The following WDR27 variants were observed in gnomAD, a reference collection of about 807,000 sequenced individuals.
WDR27 encodes WD repeat domain 27, also known as WD repeat-containing protein 27.
In WDR27, 100 loss-of-function variants were observed where a neutral mutation model predicts 114.4. The ratio of observed to expected loss-of-function variants is 0.87; its 90% CI spans 0.74 to 1.03. WDR27 has a LOEUF of 1.03. WDR27 is among the 50% of genes least tolerant of loss of function. The pLI, the probability that WDR27 is intolerant of heterozygous loss-of-function variation, is 0.00. For synonymous variants in WDR27, 449 were observed against 423.1 expected, an observed-to-expected ratio of 1.06 and a Z score of -0.75; for missense variants, 1,129 against 1,092.9, an observed-to-expected ratio of 1.03 and a Z score of -0.47.
At chr6:169,558,445 G>A (rs1025127531) in intron 25 of WDR27, 5 of 152,158 alleles carry the variant, frequency 3.3e-5, no homozygotes, top group Admixed American at 3.3e-4. Context: ...ATAAGCACCA[G>A]GCTCCCATCC....
chr6:169,697,487 G>C (rs1585240202), intron 1 of WDR27, among the ~76,000 whole-genome samples: 1 of 152,272 alleles, frequency 6.6e-6, no homozygotes, highest in South Asian at 2.1e-4. Context: ...CTCTTGTGGA[G>C]GGCCCGACAT....
intron 3 of WDR27, chr6:169,671,285 T>C (rs1403960500): frequency 6.6e-6 from 1 of 152,342 alleles, no homozygotes; most frequent in South Asian, 2.1e-4. Context: ...AATGCAGATA[T>C]ACTCCACCCA....
chr6:169,658,345 G>A lies in WDR27; in HGVS notation c.1333C>T (p.Pro445Ser). Reference sequence around the variant, plus strand: ...ATTCCCAGATACAGTGGAGAGGTCGGTAGGACACAGGAGCTGAAACAGAAA... The same window carrying A: ...ATTCCCAGATACAGTGGAGAGGTCGATAGGACACAGGAGCTGAAACAGAAA... ...LSVPASSCVLPTSPLYLGIAK... is the reference protein window; with the variant it reads ...LSVPASSCVLSTSPLYLGIAK... The change falls in exon 13 of 26, where the codon CCG (proline) becomes TCG (serine). Residue 445 changes from proline to serine, a missense_variant. By Grantham distance (74) the Pro-to-Ser change is moderately conservative. Transcript: ENST00000448612. 2 of 1,594,436 alleles carry A rather than the reference G, an allele frequency of 1.3e-6. No homozygotes were observed. Among genetic ancestry groups the A allele is most frequent in the Non-Finnish European group, 1.7e-6 (2 of 1,170,666 alleles).
chr6:169,612,565 G>A (rs866933031), intron 22 of WDR27, among the ~76,000 whole-genome samples: 36 of 146,024 alleles, frequency 2.5e-4, no homozygotes, highest in African/African-American at 8.9e-4. Flanking sequence ...CAGGGAGGTT[G>A]CAGTGAGCTG....
chr6:169,499,521 G>A (rs373101962), intron 25 of WDR27, among the ~76,000 whole-genome samples: 2 of 152,242 alleles, frequency 1.3e-5, no homozygotes, highest in East Asian at 3.8e-4. Context: ...CCAAAACGTC[G>A]TGATATTAGA....
At chr6:169,488,240 C>A (rs73789964) in intron 25 of WDR27, among the ~76,000 whole-genome samples, 1 of 152,204 alleles carries the variant, frequency 6.6e-6, no homozygotes, top group Non-Finnish European at 1.5e-5. Context: ...CTTAGAGCAG[C>A]GTCTCTAGCG....
At chr6:169,535,094 ATGATG>A (rs1216577704) in intron 25 of WDR27, among the ~76,000 whole-genome samples, 1 of 152,186 alleles carries the variant, frequency 6.6e-6, no homozygotes, top group Non-Finnish European at 1.5e-5. Flanking sequence ...GAAGACCTCT[ATGATG>A]CTAGCTCTGC....
intron 25 of WDR27, among the ~76,000 whole-genome samples, chr6:169,570,721 C>T (rs1243449850): frequency 6.6e-6 from 1 of 152,084 alleles, no homozygotes; most frequent in African/African-American, 2.4e-5. Flanking sequence ...CCCAACTACT[C>T]GGGAGGCTGC....
intron 21 of WDR27, among the ~76,000 whole-genome samples, chr6:169,628,643 G>A (rs1017012223): frequency 2.6e-5 from 4 of 152,172 alleles, no homozygotes; most frequent in Admixed American, 2.6e-4. Context: ...CATCCTCCCA[G>A]GACAGGATGG....
intron 21 of WDR27, 26 bp downstream of exon 21, chr6:169,632,921 T>A (rs756427769): frequency 1.9e-6 from 3 of 1,571,098 alleles, no homozygotes; most frequent in African/African-American, 2.7e-5. Flanking sequence ...TTACAGATGA[T>A]ACATGTTATC....
chr6:169,627,972 T>C (rs1460051358), intron 21 of WDR27, among the ~76,000 whole-genome samples: 2 of 151,976 alleles, frequency 1.3e-5, no homozygotes, highest in African/African-American at 4.8e-5. Context: ...ACTCAAAAAA[T>C]TCCACACACA....
chr6:169,620,375 T>G (rs929334649), intron 21 of WDR27, among the ~76,000 whole-genome samples: 13 of 152,190 alleles, frequency 8.5e-5, no homozygotes, highest in Admixed American at 3.3e-4. Flanking sequence ...AAATTCCTTG[T>G]GGACAAAGGA....
chr6:169,610,880 T>C (rs1051309637), intron 22 of WDR27, among the ~76,000 whole-genome samples: 2 of 152,144 alleles, frequency 1.3e-5, no homozygotes, highest in Non-Finnish European at 2.9e-5. Flanking sequence ...ATGATTGAAT[T>C]TGGAGACTCA....
intron 2 of WDR27, among the ~76,000 whole-genome samples, chr6:169,686,728 T>C (rs554709232): frequency 6.6e-6 from 1 of 152,264 alleles, no homozygotes; most frequent in African/African-American, 2.4e-5. Flanking sequence ...AGCCAAAATA[T>C]GGAATCAACC....
rs755992331 is a variant in WDR27 at position 169,664,267 on chromosome 6, A to G, written c.803T>C (p.Met268Thr). 13 of 1,613,846 alleles carry G rather than the reference A, an allele frequency of 8.1e-6. No individual in the cohort carries two copies. The highest frequency in any genetic ancestry group is 1.1e-5 in the South Asian group (1 of 91,090). The change falls in exon 8 of 26, where the codon ATG becomes ACG. Residue 268 changes from methionine (M) to threonine (T), a missense_variant. Transcript: ENST00000448612. Reference protein sequence around the residue: ...ADGQLWIFSLMDGHHYRRVAR... With the variant: ...ADGQLWIFSLTDGHHYRRVAR... ...CACACGACGATAATGGTGTCCATCC[A>G]TCAAACTGAAGATCCAAAGCTACAA... is the stretch of plus-strand genomic sequence containing the variant.
chr6:169,513,988 G>A (rs1793288044), intron 25 of WDR27, among the ~76,000 whole-genome samples: 1 of 152,112 alleles, frequency 6.6e-6, no homozygotes. Context: ...CAGAACTGCG[G>A]GACATACAAT....
chr6:169,561,778 T>C (rs1051323562), intron 25 of WDR27, among the ~76,000 whole-genome samples: 5 of 152,064 alleles, frequency 3.3e-5, no homozygotes, highest in African/African-American at 9.7e-5. Context: ...AATAGTCAAA[T>C]TGCATAAAAG....
chr6:169,473,157 G>A (rs891039524), intron 25 of WDR27, among the ~76,000 whole-genome samples: 3 of 152,184 alleles, frequency 2.0e-5, no homozygotes, highest in Admixed American at 6.6e-5. Context: ...AAACATATTA[G>A]GACTTATTCA....
chr6:169,680,186 C>T (rs570157780), intron 2 of WDR27, among the ~76,000 whole-genome samples: 3 of 152,190 alleles, frequency 2.0e-5, no homozygotes, highest in East Asian at 1.9e-4. Flanking sequence ...TGCTACCAGA[C>T]GGAAACATGC....
Sources: gnomAD v4.1 joint callset for allele counts (sites outside exome capture counted in the v4.1 genomes callset) on GRCh38, gnomAD v4.1.1 for gene constraint, MANE v1.5 for transcripts, NCBI Gene and HGNC (gene_info 2026-07-23, HGNC 2026-07-21) for gene names.